Variants in RFT1 observed in about 807,000 individuals in gnomAD.
The protein encoded by RFT1 is RFT1 glycolipid translocator homolog.
A neutral mutation model predicts 62.2 loss-of-function variants in RFT1; 43 were observed. The observed-to-expected ratio is 0.69, with a 90% CI of 0.54 to 0.89. RFT1 has a LOEUF of 0.89. Ranked by LOEUF, RFT1 falls within the 40% of genes least tolerant of loss-of-function variation. The pLI, the probability that RFT1 is intolerant of heterozygous loss-of-function variation, is 0.00. For missense variants in RFT1, 605 were observed against 649.9 expected (o/e 0.93, Z 0.75); for synonymous variants, 262 against 264.6 (o/e 0.99, Z 0.10).
chr3:53,107,380 G>GC (rs983092814), intron 7 of RFT1, among the ~76,000 whole-genome samples: 2 of 151,984 alleles, frequency 1.3e-5, no homozygotes, highest in African/African-American at 4.8e-5. Flanking sequence ...CTCGTGATCT[G>GC]CCCACCTCAG....
intron 6 of RFT1, among the ~76,000 whole-genome samples, chr3:53,118,099 C>T (rs1483599651): frequency 1.3e-5 from 2 of 152,138 alleles, no homozygotes; most frequent in South Asian, 2.1e-4. Flanking sequence ...TGCCATGTCA[C>T]TCAAGCTGGC....
chr3:53,103,954 G>A lies in RFT1; in HGVS notation c.1101C>T (p.Ser367=), dbSNP rs139445704. 1.8e-4 allele frequency: 288 copies of A among 1,614,154 alleles called. No individual in the cohort carries two copies. Among genetic ancestry groups the A allele is most frequent in the Non-Finnish European group, 2.3e-4 (267 of 1,180,010 alleles). Residue 367 remains serine, a splice_region_variant and synonymous_variant, in exon 10 of 13, where the codon TCC becomes TCT. Transcript: ENST00000296292. The part of the protein sequence containing the change: ...IYGGTMLSSG[S]GPVLLRSYCL... The stretch of plus-strand genomic sequence containing the variant: ...ATCCAGAAAAACTCTTGTGCGTACC[G>A]GATCCTGAGCTAAGCATGGTCCCTC...
chr3:53,083,432 C>A, the RFT1 span, among the ~76,000 whole-genome samples: 1 of 146,794 alleles, frequency 6.8e-6, no homozygotes, highest in Admixed American at 6.8e-5. Context: ...GAGATTAAGG[C>A]TGCAGGGAGC....
At chr3:53,086,597 G>T (rs1005263502), downstream of RFT1, among the ~76,000 whole-genome samples, 6 of 152,016 alleles carry the variant, frequency 3.9e-5, no homozygotes, top group African/African-American at 1.4e-4. Context: ...ATTACAGGCG[G>T]GAGCCACCGC....
At chr3:53,105,920 AG>A in intron 8 of RFT1, 117 bp from the exon 9 acceptor site, 3 of 1,014,636 alleles carry the variant, frequency 3.0e-6, no homozygotes, top group Non-Finnish European at 4.3e-6. Flanking sequence ...AGATAATTAT[AG>A]ATTCACACAG....
intron 10 of RFT1, among the ~76,000 whole-genome samples, chr3:53,100,187 A>G (rs1701272630): frequency 6.6e-6 from 1 of 152,226 alleles, no homozygotes; most frequent in Non-Finnish European, 1.5e-5. Flanking sequence ...CCTTTAACAA[A>G]AGCCAGGGGC....
At chr3:53,086,606 G>A (rs1429400207), downstream of RFT1, among the ~76,000 whole-genome samples, 1 of 152,094 alleles carries the variant, frequency 6.6e-6, no homozygotes, top group Non-Finnish European at 1.5e-5. Context: ...GGGAGCCACC[G>A]CGCCCGGCTT....
chr3:53,124,769 C>T (rs969201071), intron 2 of RFT1, among the ~76,000 whole-genome samples: 1 of 152,016 alleles, frequency 6.6e-6, no homozygotes, highest in African/African-American at 2.4e-5. Context: ...CCCAGGAGTT[C>T]GAGACCAGCC....
chr3:53,083,877 G>A (rs1700805601), downstream of RFT1, among the ~76,000 whole-genome samples: 1 of 152,260 alleles, frequency 6.6e-6, no homozygotes, highest in African/African-American at 2.4e-5. Context: ...CAGAAGCCAT[G>A]TGGGGAAGAC....
the RFT1 span, among the ~76,000 whole-genome samples, chr3:53,080,910 C>T: frequency 6.6e-6 from 1 of 152,224 alleles, no homozygotes; most frequent in Non-Finnish European, 1.5e-5. Context: ...GTTTCCCTCC[C>T]CGCCAAACTC....
At chr3:53,123,915 C>A (rs1013623974) in intron 2 of RFT1, 75 bp from the exon 3 acceptor site, 2 of 1,206,536 alleles carry the variant, frequency 1.7e-6, no homozygotes, top group African/African-American at 1.5e-5. Flanking sequence ...TTTCCAGCAA[C>A]AGGGAGGAGA....
the RFT1 span, among the ~76,000 whole-genome samples, chr3:53,075,826 G>A: frequency 2.6e-5 from 4 of 152,304 alleles, no homozygotes; most frequent in Non-Finnish European, 4.4e-5. Context: ...TGGGGGAGAC[G>A]AGACACAGGG....
rs577029965 is a variant in RFT1 at position 53,105,149 on chromosome 3, C to T, written c.957+524G>A. Reference sequence around the variant, plus strand: ...GGTCACATGGCCAGGTATGGGGGCTCACACCTGTAATCCTAGCACTTTGGG... The same window carrying T: ...GGTCACATGGCCAGGTATGGGGGCTTACACCTGTAATCCTAGCACTTTGGG... On this transcript the variant is annotated intron_variant, in intron 9 of 12. Transcript: ENST00000296292. Among the ~76,000 whole-genome samples the T allele has an allele frequency of 9.8e-5, 15 of 152,354 alleles. No homozygotes were observed. In the East Asian group the frequency reaches 2.7e-3, roughly 27 times the overall value.
At chr3:53,067,017 G>C in the RFT1 span, among the ~76,000 whole-genome samples, 1 of 152,338 alleles carries the variant, frequency 6.6e-6, no homozygotes, top group East Asian at 1.9e-4. Context: ...ACACAGGGCA[G>C]CGTGGAGGAA....
chr3:53,101,238 C>T (rs533973761), intron 10 of RFT1, among the ~76,000 whole-genome samples: 32 of 152,330 alleles, frequency 2.1e-4, no homozygotes, highest in African/African-American at 6.7e-4. Flanking sequence ...CAAGCCGCTG[C>T]AGGAAGTAGC....
At position 53,121,930 on chromosome 3, in the gene RFT1, G is replaced by A; in HGVS notation, c.457-130C>T. The A allele has an allele frequency of 9.4e-6, 7 of 741,898 alleles. No homozygotes were observed. The South Asian group carries it at 1.0e-4, about 11-fold the overall frequency. The allele number at this position is 741,898 out of a possible 1,614,324, so 46.0% of individuals were successfully genotyped here. On this transcript the variant is annotated intron_variant, in intron 4 of 12. Coordinates refer to ENST00000296292, the MANE Select transcript of RFT1 (RefSeq NM_052859.4). Reference sequence around the variant, plus strand: ...GGGCAGGGCACACAGCTGGACATAAGTATCAGTAACGTTTTACTTCTTGGG... The same window carrying A: ...GGGCAGGGCACACAGCTGGACATAAATATCAGTAACGTTTTACTTCTTGGG...
At chr3:53,085,053 T>C (rs925001967), downstream of RFT1, among the ~76,000 whole-genome samples, 42 of 139,410 alleles carry the variant, frequency 3.0e-4, no homozygotes, top group African/African-American at 8.1e-4. Flanking sequence ...GCAGGGGCTT[T>C]GCACTCAGAA....
the RFT1 span, among the ~76,000 whole-genome samples, chr3:53,069,651 G>C: frequency 6.6e-6 from 1 of 152,220 alleles, no homozygotes; most frequent in African/African-American, 2.4e-5. Flanking sequence ...CAAAGTGTTA[G>C]TACAACAAGT....
chr3:53,105,059 T>C (rs1372317690), intron 9 of RFT1, among the ~76,000 whole-genome samples: 1 of 152,220 alleles, frequency 6.6e-6, no homozygotes, highest in African/African-American at 2.4e-5. Flanking sequence ...GACTAGCCCA[T>C]GGCTGGGCAT....
Sources: allele counts gnomAD v4.1 joint callset (sites outside exome capture counted in the v4.1 genomes callset), GRCh38; gene constraint gnomAD v4.1.1; transcripts MANE v1.5; gene names NCBI Gene and HGNC (gene_info 2026-07-23, HGNC 2026-07-21).